The following BRAF variants were observed in gnomAD, a reference collection of about 807,000 sequenced individuals.
BRAF encodes the protein B-Raf proto-oncogene, serine/threonine kinase.
A neutral mutation model predicts 104.6 loss-of-function variants in BRAF; 16 were observed. The ratio of observed to expected loss-of-function variants is 0.15; its 90% confidence interval spans 0.10 to 0.23. The LOEUF (loss-of-function observed/expected upper bound fraction) is 0.23. Ranked by LOEUF, BRAF falls within the 10% of genes least tolerant of loss-of-function variation. BRAF has a pLI of 1.00. For synonymous variants in BRAF, 310 were observed against 341.6 expected, an observed-to-expected ratio of 0.91 and a Z score of 1.02; for missense variants, 541 against 937.3, an observed-to-expected ratio of 0.58 and a Z score of 5.52.
chr7:140,809,069 A>G (rs867525318), intron 3 of BRAF, 74 bp from the exon 4 acceptor site: 2 of 1,248,840 alleles, frequency 1.6e-6, no homozygotes, highest in Middle Eastern at 4.3e-4. Flanking sequence ...AAAAAAATTT[A>G]GTAATTCATC....
intron 1 of BRAF, among the ~76,000 whole-genome samples, chr7:140,892,591 T>C (rs1814370734): frequency 6.6e-6 from 1 of 152,142 alleles, no homozygotes; most frequent in Non-Finnish European, 1.5e-5. Flanking sequence ...GTATCCACAA[T>C]ATAAACTTTA....
intron 14 of BRAF, among the ~76,000 whole-genome samples, chr7:140,760,677 T>C (rs1030378476): frequency 6.6e-6 from 1 of 151,266 alleles, no homozygotes; most frequent in African/African-American, 2.4e-5. Flanking sequence ...GAATAACCAG[T>C]GTAGAGAAGT....
At chr7:140,826,756 C>A (rs1349570867) in intron 3 of BRAF, among the ~76,000 whole-genome samples, 2 of 152,206 alleles carry the variant, frequency 1.3e-5, no homozygotes, top group African/African-American at 4.8e-5. Context: ...AATACTTATA[C>A]ATGTAATTCC....
chr7:140,798,406 G>A (rs1168585733), intron 7 of BRAF, among the ~76,000 whole-genome samples: 18 of 150,882 alleles, frequency 1.2e-4, no homozygotes, highest in African/African-American at 4.4e-4. Context: ...ACAGGCACCC[G>A]CCACCACGCC....
At chr7:140,805,465 A>G (rs1803567182) in intron 5 of BRAF, among the ~76,000 whole-genome samples, 1 of 152,212 alleles carries the variant, frequency 6.6e-6, no homozygotes, top group East Asian at 1.9e-4. Flanking sequence ...ATAAATTTTA[A>G]GCAATATATG....
chr7:140,865,951 G>A (rs1239332618), intron 1 of BRAF, among the ~76,000 whole-genome samples: 1 of 152,164 alleles, frequency 6.6e-6, no homozygotes, highest in African/African-American at 2.4e-5. Context: ...AGGGATGGCA[G>A]GGGAAAGGAG....
intron 3 of BRAF, among the ~76,000 whole-genome samples, chr7:140,812,613 T>A (rs1055449598): frequency 6.6e-6 from 1 of 152,222 alleles, no homozygotes; most frequent in African/African-American, 2.4e-5. Flanking sequence ...AAGCCATCTA[T>A]CAGTCCTTCT....
chr7:140,761,356 C>T (rs1287332097), intron 14 of BRAF, among the ~76,000 whole-genome samples: 1 of 151,872 alleles, frequency 6.6e-6, no homozygotes, highest in Non-Finnish European at 1.5e-5. Context: ...TTTGCCACCC[C>T]CAGGCCTGCC....
intron 1 of BRAF, among the ~76,000 whole-genome samples, chr7:140,876,162 A>G (rs1411205758): frequency 6.6e-6 from 1 of 152,222 alleles, no homozygotes; most frequent in Non-Finnish European, 1.5e-5. Context: ...ATAAGAGAAA[A>G]GGTGGAGAGA....
chr7:140,842,117 C>G (rs538847523), intron 2 of BRAF, among the ~76,000 whole-genome samples: 1 of 152,234 alleles, frequency 6.6e-6, no homozygotes, highest in African/African-American at 2.4e-5. Flanking sequence ...GACACAATGC[C>G]TCTGTATTAT....
chr7:140,860,349 CATAAA>C (rs1810272538), intron 1 of BRAF, among the ~76,000 whole-genome samples: 1 of 149,230 alleles, frequency 6.7e-6, no homozygotes, highest in Non-Finnish European at 1.5e-5. Flanking sequence ...CTAATAAACA[CATAAA>C]ATAAATGACC....
chr7:140,876,031 G>A (rs1243498105), intron 1 of BRAF, among the ~76,000 whole-genome samples: 1 of 152,156 alleles, frequency 6.6e-6, no homozygotes, highest in Non-Finnish European at 1.5e-5. Flanking sequence ...TAAACATGCA[G>A]ACAAAAATAC....
chr7:140,923,751 G>A (rs1436315681), intron 1 of BRAF, among the ~76,000 whole-genome samples: 1 of 152,222 alleles, frequency 6.6e-6, no homozygotes, highest in Admixed American at 6.5e-5. Context: ...ATGTTAGGGA[G>A]TGGTGAGATC....
intron 19 of BRAF, chr7:140,734,037 G>A: frequency 9.6e-7 from 1 of 1,038,738 alleles, no homozygotes; most frequent in Non-Finnish European, 1.2e-6. Context: ...TTAGTTTATT[G>A]CTTCAAGGAA....
chr7:140,815,890 TAACTGGCCAAG>T (rs780605201), intron 3 of BRAF, among the ~76,000 whole-genome samples: 2 of 152,210 alleles, frequency 1.3e-5, no homozygotes, highest in Non-Finnish European at 2.9e-5. Context: ...AGGTTGAATT[TAACTGGCCAAG>T]AACCAGAAAC....
In BRAF at chr7:140,857,842, G is replaced by A. The variant is rs570674965; in HGVS notation, c.139-7630C>T. Among the ~76,000 whole-genome samples the A allele has an allele frequency of 1.1e-4, 16 of 152,088 alleles. No homozygotes were observed. The South Asian group carries it at 1.5e-3, about 14-fold the overall frequency. On this transcript the variant is annotated intron_variant, in intron 1 of 19. Transcript: ENST00000644969. ...GTACTGTAATTGACTATAACAGATG[G>A]TATGCAAAAACAAACAAATAAACAA...
Position 140,724,998 on chromosome 7 carries a change from A to C in BRAF, c.*1496T>G. ...CTTAATGAATGCCAGTTCTTTCTAT[A>C]AAAACAACTGATGACAGCTTTCCCA... is the stretch of plus-strand genomic sequence containing the variant. On this transcript the variant is annotated 3_prime_UTR_variant, in exon 20 of 20. Coordinates refer to ENST00000644969, the MANE Select transcript of BRAF (RefSeq NM_001374258.1). The C allele has an allele frequency of 9.6e-7, 1 of 1,045,844 alleles. No individual in the cohort carries two copies. Among genetic ancestry groups the C allele is most frequent in the African/African-American group, 1.7e-5 (1 of 60,136 alleles). The allele number at this position is 1,045,844 out of a possible 1,614,324, so 64.8% of individuals were successfully genotyped here.
In BRAF at chr7:140,850,129, T is replaced by C. The variant is rs751981053; in HGVS notation, c.222A>G (p.Pro74=). ...AGCTTACCTCCAGATATATTGATGG[T>C]GGATTATGCTCCCCACCAAATTTGT... is the stretch of plus-strand genomic sequence containing the variant. ...LLDKFGGEHN[P]PSIYLEAYEE... is the part of the protein sequence containing the mutation. The change falls in exon 2 of 20, where the codon CCA becomes CCG. Residue 74 remains proline, a synonymous_variant. Coordinates refer to ENST00000644969, the MANE Select transcript of BRAF (RefSeq NM_001374258.1). The C allele has an allele frequency of 6.2e-7, 1 of 1,608,964 alleles. No homozygotes were observed. The highest frequency in any genetic ancestry group is 8.5e-7 in the Non-Finnish European group (1 of 1,176,778).
At chr7:140,886,309 C>T (rs2129109482) in intron 1 of BRAF, among the ~76,000 whole-genome samples, 1 of 152,268 alleles carries the variant, frequency 6.6e-6, no homozygotes, top group South Asian at 2.1e-4. Flanking sequence ...GCTCTAACTC[C>T]CATTCTGCTC....
Sources: allele counts gnomAD v4.1 joint callset (sites outside exome capture counted in the v4.1 genomes callset), GRCh38; gene constraint gnomAD v4.1.1; transcripts MANE v1.5; gene names NCBI Gene and HGNC (gene_info 2026-07-23, HGNC 2026-07-21).